Variants in DERL1 observed in about 807,000 individuals in gnomAD.
The protein encoded by DERL1 is derlin-1.
A neutral mutation model predicts 41.6 loss-of-function variants in DERL1; 24 were observed. That is an observed-to-expected ratio of 0.58 (90% CI 0.42 to 0.81). The LOEUF is 0.81. Ranked by LOEUF, DERL1 falls within the 30% of genes least tolerant of loss-of-function variation. The pLI is 0.00. For synonymous variants in DERL1, 124 were observed against 112.5 expected (o/e 1.10, Z -0.65); for missense variants, 260 against 314.3 (o/e 0.83, Z 1.31).
intron 2 of DERL1, chr8:123,030,311 T>C: frequency 4.4e-6 from 1 of 225,830 alleles, no homozygotes; most frequent in Non-Finnish European, 8.5e-6. Flanking sequence ...TCAAAATAAA[T>C]GAAAGGCACA....
chr8:123,040,871 T>A (rs1160196097), intron 1 of DERL1, among the ~76,000 whole-genome samples: 1 of 152,150 alleles, frequency 6.6e-6, no homozygotes, highest in African/African-American at 2.4e-5. Flanking sequence ...GGGGATTCAG[T>A]TTTGGACACG....
At chr8:123,030,493 T>C (rs2891672) in intron 2 of DERL1, 112 bp downstream of exon 2, 653,311 of 723,600 alleles carry the variant, frequency 0.9, 295,704 homozygotes, top group African/African-American at 0.98. Context: ...ATTTACTATC[T>C]TTATGCAGTT....
intron 6 of DERL1, among the ~76,000 whole-genome samples, chr8:123,020,796 CAAAAA>C (rs59816749): frequency 1.8e-5 from 2 of 112,360 alleles, no homozygotes; most frequent in African/African-American, 3.7e-5. Flanking sequence ...CTAAAAATCC[CAAAAA>C]AAAAAAAAAA....
At chr8:123,032,704 C>A (rs990926513) in intron 1 of DERL1, among the ~76,000 whole-genome samples, 7 of 152,252 alleles carry the variant, frequency 4.6e-5, no homozygotes, top group Admixed American at 4.6e-4. Context: ...GTTTTCCCAA[C>A]CCCATTTACA....
Position 123,040,074 on chromosome 8 carries a change from G to A in DERL1, c.153+1896C>T, listed in dbSNP as rs147592066. Among the ~76,000 whole-genome samples, 40 of 152,292 alleles carry A rather than the reference G, an allele frequency of 2.6e-4. No individual in the cohort carries two copies. In the East Asian group the frequency reaches 7.0e-3, roughly 26 times the overall value. On this transcript the variant is annotated intron_variant, in intron 1 of 7. Coordinates refer to ENST00000259512, the MANE Select transcript of DERL1 (RefSeq NM_024295.6). ...CTCTACTAAAATACAAAAATTAGCTGGGCATGGTGGTGTGCACCTGTAATT... is the reference window on the plus strand; with the variant it reads ...CTCTACTAAAATACAAAAATTAGCTAGGCATGGTGGTGTGCACCTGTAATT...
chr8:123,033,180 A>G (rs1217511336), intron 1 of DERL1, among the ~76,000 whole-genome samples: 3 of 152,134 alleles, frequency 2.0e-5, no homozygotes, highest in East Asian at 3.8e-4. Flanking sequence ...TATTCCTTTT[A>G]TAACATATTT....
intron 1 of DERL1, among the ~76,000 whole-genome samples, chr8:123,033,961 A>G (rs551148694): frequency 5.9e-5 from 9 of 152,316 alleles, no homozygotes; most frequent in African/African-American, 1.4e-4. Context: ...ATCTCATTGC[A>G]CACTAGCATG....
chr8:123,016,173 G>C (rs1814563693), intron 7 of DERL1: 1 of 152,174 alleles, frequency 6.6e-6, no homozygotes, highest in East Asian at 1.9e-4. Context: ...TGGTGGGAGA[G>C]CTGGGGCCCC....
intron 2 of DERL1, among the ~76,000 whole-genome samples, chr8:123,027,308 AAAAAAAAAAAAT>A (rs1038942918): frequency 1.4e-5 from 2 of 145,944 alleles, no homozygotes; most frequent in African/African-American, 2.5e-5. Context: ...AAAAAAAAAA[AAAAAAAAAAAAT>A]TTAGTGGTCT....
intron 1 of DERL1, among the ~76,000 whole-genome samples, chr8:123,032,560 G>A (rs1812839674): frequency 6.6e-6 from 1 of 152,302 alleles, no homozygotes; most frequent in African/African-American, 2.4e-5. Flanking sequence ...GTAGGCATAT[G>A]TATCCATGAT....
At position 123,024,979 on chromosome 8, in the gene DERL1, A is replaced by AG; in HGVS notation, c.330+6dup. ...TTTCTGGCCCAAAATCACAGACTGA[A>AG]GGATACCACGATGCAAATCCAGTTA... On this transcript the variant is annotated splice_region_variant and intron_variant, in intron 3 of 7. Transcript: ENST00000259512. The AG allele has an allele frequency of 6.2e-7, 1 of 1,613,126 alleles. No homozygotes were observed. Among genetic ancestry groups the AG allele is most frequent in the Non-Finnish European group, 8.5e-7 (1 of 1,179,680 alleles).
rs1391889823 is a variant in DERL1 at position 123,041,989 on chromosome 8, G to A, written c.134C>T (p.Ala45Val). ...SPAYLFLWPE[A>V]FLYRFQIWRP... ...AAGTACCTGAAAGCGATAAAGGAAG[G>A]CTTCGGGCCAGAGGAAGAGGTAGGC... The change falls in exon 1 of 8, where the codon GCC (alanine) becomes GTC (valine). Residue 45 changes from alanine (A) to valine (V), a missense_variant. Transcript: ENST00000259512. 3 of 1,612,604 alleles carry A rather than the reference G, an allele frequency of 1.9e-6. No homozygotes were observed. In the Admixed American group the frequency reaches 5.0e-5, roughly 27 times the overall value.
At position 123,042,278 on chromosome 8, in the gene DERL1, A is replaced by G; in HGVS notation, c.-156T>C. 9.7e-7 allele frequency: 1 copy of G among 1,033,320 alleles called. No homozygotes were observed. 64.0% of individuals were successfully genotyped at this position (1,033,320 alleles called of 1,614,324 possible). A position where few individuals can be genotyped will look rare whatever the true frequency, so the allele number is the denominator to read the frequency against. On this transcript the variant is annotated 5_prime_UTR_variant, in exon 1 of 8. Coordinates refer to ENST00000259512, the MANE Select transcript of DERL1 (RefSeq NM_024295.6). The stretch of plus-strand genomic sequence containing the variant: ...AGACGGGCGGACGTGGCGCCACCGA[A>G]TTCGGACCAGCGAGGCAGCCTTCTG...
intron 1 of DERL1, among the ~76,000 whole-genome samples, chr8:123,040,874 T>C (rs983885093): frequency 1.6e-4 from 25 of 152,344 alleles, no homozygotes; most frequent in African/African-American, 6.0e-4. Context: ...GATTCAGTTT[T>C]GGACACGTTA....
intron 1 of DERL1, among the ~76,000 whole-genome samples, chr8:123,030,922 A>G (rs1812806461): frequency 1.3e-5 from 2 of 152,262 alleles, no homozygotes; most frequent in Admixed American, 1.3e-4. Flanking sequence ...ATAAAACGAC[A>G]TCATAAAATA....
In DERL1 at chr8:123,019,321, A is replaced by G. The variant is rs1290003084; in HGVS notation, c.507-16T>C. The G allele has an allele frequency of 4.5e-6, 7 of 1,566,662 alleles. No homozygotes were observed. In the East Asian group the frequency reaches 1.1e-4, roughly 25 times the overall value. ...ATTGATTACCCTGCAAAGAGAGCCA[A>G]ATGAGTTTAAAGACATTCAAGCAAT... On this transcript the variant is annotated splice_polypyrimidine_tract_variant and intron_variant, in intron 6 of 7. Transcript: ENST00000259512.
rs575426208 is a variant in DERL1 at position 123,013,775 on chromosome 8, G to C, written c.*1672C>G. 1 of 152,284 alleles carries C rather than the reference G, an allele frequency of 6.6e-6. No homozygotes were observed. The highest frequency in any genetic ancestry group is 1.9e-4 in the East Asian group (1 of 5,184). 9.4% of individuals were successfully genotyped at this position (152,284 alleles called of 1,614,324 possible). On this transcript the variant is annotated 3_prime_UTR_variant, in exon 8 of 8. Coordinates refer to ENST00000259512, the MANE Select transcript of DERL1 (RefSeq NM_024295.6). ...AATGAGTGTACGTGCAACATAATTG[G>C]AGTAATGGCCTCTAAAATTTTACAA...
In DERL1 at chr8:123,024,925, T is replaced by C. The variant is rs1812648935; in HGVS notation, c.330+61A>G. On this transcript the variant is annotated intron_variant, in intron 3 of 7. Transcript: ENST00000259512. ...GAAACGTTTACAGAATATGGTCTAT[T>C]TCCCCAAACCTGGAAAAAAACTGGT... 4 of 1,562,304 alleles carry C rather than the reference T, an allele frequency of 2.6e-6. No homozygotes were observed. In the East Asian group the frequency reaches 9.0e-5, roughly 35 times the overall value.
chr8:123,034,711 CTACA>C (rs767583648), intron 1 of DERL1, among the ~76,000 whole-genome samples: 7 of 152,170 alleles, frequency 4.6e-5, no homozygotes, highest in Non-Finnish European at 1.0e-4. Context: ...GTGTTCACTA[CTACA>C]GACACTTGTG....
Sources: allele counts gnomAD v4.1 joint callset (sites outside exome capture counted in the v4.1 genomes callset), GRCh38; gene constraint gnomAD v4.1.1; transcripts MANE v1.5; gene names NCBI Gene and HGNC (gene_info 2026-07-23, HGNC 2026-07-21).